The following ADAMTSL3 variants were observed in gnomAD, a reference collection of about 807,000 sequenced individuals.
ADAMTSL3 encodes the protein ADAMTS-like protein 3.
Under a neutral mutation model 201.7 loss-of-function variants are expected in ADAMTSL3, and 128 were observed. The observed-to-expected ratio is 0.63, with a 90% CI of 0.55 to 0.73. The LOEUF (loss-of-function observed/expected upper bound fraction) is 0.73, where lower values mean the gene tolerates loss of function less well. ADAMTSL3 is among the 30% of genes least tolerant of loss of function. The pLI is 0.00. For synonymous variants in ADAMTSL3, 738 were observed against 748.4 expected (o/e 0.99, Z 0.23); for missense variants, 1,990 against 2,119.6 (o/e 0.94, Z 1.20).
chr15:84,003,947 T>C (rs1408830794), intron 23 of ADAMTSL3, among the ~76,000 whole-genome samples: 1 of 152,124 alleles, frequency 6.6e-6, no homozygotes, highest in East Asian at 1.9e-4. Context: ...AAAGGGAATT[T>C]TGTTGGAATT....
intron 6 of ADAMTSL3, among the ~76,000 whole-genome samples, chr15:83,833,942 A>G (rs1359242468): frequency 6.6e-6 from 1 of 152,196 alleles, no homozygotes; most frequent in African/African-American, 2.4e-5. Context: ...TTAATGTGAA[A>G]CTTCCAATTT....
intron 3 of ADAMTSL3, among the ~76,000 whole-genome samples, chr15:83,771,494 T>C (rs1396577963): frequency 6.6e-6 from 1 of 152,226 alleles, no homozygotes. Flanking sequence ...TCTGCTTCAA[T>C]GAGTCGGTCT....
At chr15:83,964,226 C>G (rs1181338231) in intron 19 of ADAMTSL3, among the ~76,000 whole-genome samples, 1 of 151,976 alleles carries the variant, frequency 6.6e-6, no homozygotes, top group East Asian at 1.9e-4. Context: ...ACAAACTCCT[C>G]CAAGTTAAAG....
At chr15:83,750,928 T>C (rs1445875157) in intron 3 of ADAMTSL3, among the ~76,000 whole-genome samples, 4 of 152,234 alleles carry the variant, frequency 2.6e-5, no homozygotes, top group African/African-American at 9.6e-5. Context: ...GTATTAACTC[T>C]ATGCATTTGT....
chr15:83,998,627 A>G (rs2067733333), intron 23 of ADAMTSL3, among the ~76,000 whole-genome samples: 1 of 152,216 alleles, frequency 6.6e-6, no homozygotes, highest in South Asian at 2.1e-4. Flanking sequence ...GAACAGCCTT[A>G]GATGGAAATG....
chr15:83,857,555 G>A (rs914369358), intron 7 of ADAMTSL3, among the ~76,000 whole-genome samples: 1 of 151,970 alleles, frequency 6.6e-6, no homozygotes, highest in African/African-American at 2.4e-5. Flanking sequence ...ATTTAGGTAC[G>A]GTTCAGTCTT....
At chr15:83,906,639 C>T (rs1242861205) in intron 15 of ADAMTSL3, among the ~76,000 whole-genome samples, 5 of 65,804 alleles carry the variant, frequency 7.6e-5, no homozygotes, top group African/African-American at 2.8e-4. Context: ...CACACACACA[C>T]ACACACACAC....
intron 23 of ADAMTSL3, among the ~76,000 whole-genome samples, chr15:84,009,452 A>G (rs781029225): frequency 1.3e-5 from 2 of 152,248 alleles, no homozygotes; most frequent in Non-Finnish European, 2.9e-5. Flanking sequence ...AAATATTAAT[A>G]AACCAAATGT....
chr15:83,883,268 G>A (rs1228590979), intron 9 of ADAMTSL3, among the ~76,000 whole-genome samples: 1 of 151,764 alleles, frequency 6.6e-6, no homozygotes, highest in East Asian at 1.9e-4. Context: ...TGCCTCCCGG[G>A]TTCAAGCAAT....
chr15:83,924,261 G>A (rs532088018), intron 17 of ADAMTSL3, among the ~76,000 whole-genome samples: 4 of 152,284 alleles, frequency 2.6e-5, no homozygotes, highest in East Asian at 1.9e-4. Flanking sequence ...TGTTTGCATC[G>A]AACACGAATG....
At chr15:83,842,703 T>C (rs1235008343) in intron 7 of ADAMTSL3, among the ~76,000 whole-genome samples, 1 of 152,206 alleles carries the variant, frequency 6.6e-6, no homozygotes, top group East Asian at 1.9e-4. Flanking sequence ...ACAGAGTGAT[T>C]GTAGGACAAA....
At chr15:83,782,363 G>A (rs1380060271) in intron 4 of ADAMTSL3, among the ~76,000 whole-genome samples, 1 of 152,084 alleles carries the variant, frequency 6.6e-6, no homozygotes, top group East Asian at 1.9e-4. Context: ...TGTAATTCCA[G>A]CTACTCAGGA....
intron 2 of ADAMTSL3, among the ~76,000 whole-genome samples, chr15:83,689,098 C>T (rs1216606145): frequency 2.6e-5 from 4 of 152,182 alleles, no homozygotes; most frequent in African/African-American, 7.2e-5. Flanking sequence ...GTTGGGATTA[C>T]AGGTGTGAGC....
At chr15:83,748,883 T>A (rs12915150) in intron 3 of ADAMTSL3, among the ~76,000 whole-genome samples, 30,835 of 151,820 alleles carry the variant, frequency 0.2, 4,098 homozygotes, top group Middle Eastern at 0.38. Context: ...GAGCCGGTAT[T>A]TGGGGGCTGG....
At chr15:83,738,002 A>G (rs1269939377) in intron 3 of ADAMTSL3, among the ~76,000 whole-genome samples, 1 of 152,200 alleles carries the variant, frequency 6.6e-6, no homozygotes, top group East Asian at 1.9e-4. Context: ...TTCAACTATG[A>G]GAGTAAAATA....
intron 7 of ADAMTSL3, among the ~76,000 whole-genome samples, chr15:83,854,595 G>T (rs527607804): frequency 2.0e-5 from 3 of 152,156 alleles, no homozygotes; most frequent in Non-Finnish European, 4.4e-5. Context: ...CCTTGACAAC[G>T]TGTAAATATT....
intron 2 of ADAMTSL3, among the ~76,000 whole-genome samples, chr15:83,685,272 T>G (rs1455137377): frequency 6.6e-6 from 1 of 152,180 alleles, no homozygotes; most frequent in Non-Finnish European, 1.5e-5. Context: ...TTTCTCAGTC[T>G]TTGGCCTGTT....
chr15:83,988,884 TTTA>T, intron 22 of ADAMTSL3, 66 bp downstream of exon 22: 13 of 1,008,344 alleles, frequency 1.3e-5, no homozygotes, highest in Non-Finnish European at 1.5e-5. Flanking sequence ...TATTTATTTA[TTTA>T]TTTTTTTTTT....
chr15:83,955,197 A>G (rs867316854), intron 19 of ADAMTSL3, among the ~76,000 whole-genome samples: 1 of 152,320 alleles, frequency 6.6e-6, no homozygotes, highest in Middle Eastern at 3.4e-3. Flanking sequence ...CTGGTATTCT[A>G]TTACCCTGTG....
Sources: allele counts gnomAD v4.1 joint callset (sites outside exome capture counted in the v4.1 genomes callset), GRCh38; gene constraint gnomAD v4.1.1; transcripts MANE v1.5; gene names NCBI Gene and HGNC (gene_info 2026-07-23, HGNC 2026-07-21).